Variants in GADL1 observed in about 807,000 individuals in gnomAD.
GADL1 encodes GAD like acidic amino acid decarboxylase 1.
Under a neutral mutation model 69.5 loss-of-function variants are expected in GADL1, and 71 were observed. That is an observed-to-expected ratio of 1.02 (90% CI 0.84 to 1.25). The LOEUF (loss-of-function observed/expected upper bound fraction) is 1.25. Ranked by LOEUF, GADL1 falls within the 50% of genes most tolerant of loss-of-function variation. The pLI, the probability that GADL1 is intolerant of heterozygous loss-of-function variation, is 0.00. For synonymous variants in GADL1, 254 were observed against 214.4 expected (o/e 1.18, Z -1.62); for missense variants, 737 against 631.8 (o/e 1.17, Z -1.79).
At chr3:30,796,021 A>C (rs997626184) in intron 12 of GADL1, among the ~76,000 whole-genome samples, 1 of 152,246 alleles carries the variant, frequency 6.6e-6, no homozygotes, top group Non-Finnish European at 1.5e-5. Flanking sequence ...TTGAAATGTT[A>C]ACATTTATCC....
Position 30,774,877 on chromosome 3 carries a change from G to C in GADL1, c.1392+3302C>G, listed in dbSNP as rs1696496616. On this transcript the variant is annotated intron_variant, in intron 14 of 14. Transcript: ENST00000282538. ...AGTCAGAGACTTCCAGCAGAAGAGT[G>C]ACATGAAGAAGCAGAGACGGAGGTA... Among the ~76,000 whole-genome samples, 4 of 152,088 alleles carry C rather than the reference G, an allele frequency of 2.6e-5. No individual in the cohort carries two copies. In the South Asian group the frequency reaches 8.3e-4, roughly 32 times the overall value.
chr3:30,789,029 T>C (rs962477492), intron 12 of GADL1, among the ~76,000 whole-genome samples: 1 of 152,200 alleles, frequency 6.6e-6, no homozygotes, highest in African/African-American at 2.4e-5. Context: ...CTATGAGTCA[T>C]CAGTGTTTTC....
chr3:30,846,064 A>G (rs553711775), intron 6 of GADL1, among the ~76,000 whole-genome samples: 1 of 152,086 alleles, frequency 6.6e-6, no homozygotes, highest in Non-Finnish European at 1.5e-5. Flanking sequence ...CAAAAAAAAA[A>G]AAAACAAAAA....
chr3:30,821,392 G>A (rs915923581), intron 11 of GADL1, among the ~76,000 whole-genome samples: 2 of 152,004 alleles, frequency 1.3e-5, no homozygotes, highest in African/African-American at 4.8e-5. Context: ...CTGATATAAT[G>A]TGTGTCTTTT....
intron 14 of GADL1, among the ~76,000 whole-genome samples, chr3:30,753,299 C>CT (rs1323808419): frequency 6.6e-6 from 1 of 151,670 alleles, no homozygotes; most frequent in Non-Finnish European, 1.5e-5. Context: ...ACATTTATTC[C>CT]TTTGATTCAG....
intron 1 of GADL1, among the ~76,000 whole-genome samples, chr3:30,863,027 T>TCACACACA (rs397875196): frequency 1.3e-3 from 147 of 110,218 alleles, no homozygotes; most frequent in African/African-American, 3.1e-3. Flanking sequence ...CATGTCTGTT[T>TCACACACA]CACACACACA....
chr3:30,850,487 G>T (rs568679021), intron 5 of GADL1, among the ~76,000 whole-genome samples: 1 of 152,004 alleles, frequency 6.6e-6, no homozygotes, highest in South Asian at 2.1e-4. Flanking sequence ...CTACAAAAAA[G>T]GACTACAGGA....
intron 14 of GADL1, among the ~76,000 whole-genome samples, chr3:30,759,216 G>C (rs1416493760): frequency 6.6e-6 from 1 of 151,566 alleles, no homozygotes; most frequent in Non-Finnish European, 1.5e-5. Flanking sequence ...GTAGGACTTA[G>C]ACATCTGTCT....
chr3:30,817,827 CAT>C (rs1279640903), intron 11 of GADL1, among the ~76,000 whole-genome samples: 2 of 152,090 alleles, frequency 1.3e-5, no homozygotes, highest in Non-Finnish European at 2.9e-5. Flanking sequence ...ATCAAAAGGA[CAT>C]ATAATAGTCA....
At chr3:30,870,065 T>C (rs578065550) in intron 1 of GADL1, among the ~76,000 whole-genome samples, 1 of 151,974 alleles carries the variant, frequency 6.6e-6, no homozygotes, top group Admixed American at 6.6e-5. Flanking sequence ...ATTTAGTGCC[T>C]ATTATGTATA....
chr3:30,799,511 G>A (rs1425954651), intron 12 of GADL1: 1 of 152,098 alleles, frequency 6.6e-6, no homozygotes, highest in African/African-American at 2.4e-5. Flanking sequence ...TTCCTCCTAG[G>A]CTTCTGGGTC....
intron 14 of GADL1, among the ~76,000 whole-genome samples, chr3:30,753,181 A>G (rs1170309108): frequency 6.6e-6 from 1 of 152,106 alleles, no homozygotes; most frequent in African/African-American, 2.4e-5. Context: ...ACCACGCTAC[A>G]CAGGCCCCAC....
In GADL1 at chr3:30,889,084, T is replaced by TAAAAAAAAAAAAAA. The variant is rs60227313; in HGVS notation, c.37+5480_37+5493dup. On this transcript the variant is annotated intron_variant, in intron 1 of 14. Coordinates refer to ENST00000282538, the MANE Select transcript of GADL1 (RefSeq NM_207359.3). ...GAAATACCGAAGACTCGGTAATCTA[T>TAAAAAAAAAAAAAA]AAAAAAAAAAAAAAAAAAAAAAAAA... 2.7e-4 allele frequency among the ~76,000 whole-genome samples: 9 copies of TAAAAAAAAAAAAAA among 32,914 alleles called. 2 individuals are homozygous for TAAAAAAAAAAAAAA. The highest frequency in any genetic ancestry group is 3.4e-4 in the Non-Finnish European group (5 of 14,834). The allele number at this position is 32,914 out of a possible 152,430, so 21.6% of individuals were successfully genotyped here.
intron 11 of GADL1, among the ~76,000 whole-genome samples, chr3:30,812,803 G>C (rs1292636538): frequency 6.6e-6 from 1 of 152,104 alleles, no homozygotes; most frequent in Non-Finnish European, 1.5e-5. Context: ...GGATCCATTT[G>C]AGGCCCTACT....
intron 1 of GADL1, among the ~76,000 whole-genome samples, chr3:30,867,439 T>TATATATATATATATATACAC (rs1319135425): frequency 1.4e-5 from 2 of 138,864 alleles, no homozygotes; most frequent in Admixed American, 7.1e-5. Flanking sequence ...TATATATATA[T>TATATATATATATATATACAC]ACACATATAT....
intron 14 of GADL1, among the ~76,000 whole-genome samples, chr3:30,734,201 C>T (rs756359797): frequency 3.9e-5 from 6 of 152,216 alleles, no homozygotes; most frequent in East Asian, 1.9e-4. Context: ...CAAAGTCTCA[C>T]ATCGATTTAC....
At chr3:30,889,642 G>A (rs1341009402) in intron 1 of GADL1, among the ~76,000 whole-genome samples, 3 of 151,808 alleles carry the variant, frequency 2.0e-5, no homozygotes, top group Non-Finnish European at 4.4e-5. Flanking sequence ...TTCCTACTTT[G>A]AGTTTCTTTT....
At chr3:30,823,167 G>T (rs894090792) in intron 11 of GADL1, among the ~76,000 whole-genome samples, 3 of 151,884 alleles carry the variant, frequency 2.0e-5, no homozygotes, top group Admixed American at 1.3e-4. Context: ...TGAGGGAAAG[G>T]GAACTCAGGG....
intron 1 of GADL1, among the ~76,000 whole-genome samples, chr3:30,864,038 C>G (rs1265209761): frequency 6.6e-6 from 1 of 151,990 alleles, no homozygotes. Context: ...CCCTCACTTT[C>G]ACATGAAAGG....
Sources: gnomAD v4.1 joint callset for allele counts (sites outside exome capture counted in the v4.1 genomes callset) on GRCh38, gnomAD v4.1.1 for gene constraint, MANE v1.5 for transcripts, NCBI Gene and HGNC (gene_info 2026-07-23, HGNC 2026-07-21) for gene names.